PAM: variants seen among roughly 807,000 people sequenced by gnomAD.
The protein encoded by PAM is peptidyl-glycine alpha-amidating monooxygenase.
PAM carries 72 observed loss-of-function variants against 122.1 expected under a neutral mutation model. The ratio of observed to expected loss-of-function variants is 0.59; its 90% CI spans 0.49 to 0.72. The LOEUF (loss-of-function observed/expected upper bound fraction) is 0.72, where lower values mean the gene tolerates loss of function less well. Among genes scored for constraint, PAM ranks in the 30% least tolerant of loss-of-function variants. PAM has a pLI of 0.00. For synonymous variants in PAM, 389 were observed against 404.4 expected (o/e 0.96, Z 0.46); for missense variants, 1,106 against 1,183.7 (o/e 0.93, Z 0.96).
chr5:102,894,833 A>C (rs958907466), intron 3 of PAM, among the ~76,000 whole-genome samples: 1 of 150,582 alleles, frequency 6.6e-6, no homozygotes, highest in African/African-American at 2.4e-5. Flanking sequence ...TTTCAAATCC[A>C]CTCCCCAGTC....
intron 5 of PAM, 45 bp downstream of exon 5, chr5:102,914,066 T>TGTAA (rs1470682623): frequency 9.7e-7 from 1 of 1,027,990 alleles, no homozygotes; most frequent in East Asian, 2.4e-5. Context: ...AGAAAATGTG[T>TGTAA]TTTACAAGTG....
rs771873156 is a variant in PAM, at chr5:103,028,202, G to A, written c.2707G>A (p.Glu903Lys). 4.3e-6 allele frequency: 7 copies of A among 1,612,704 alleles called. 1 individual carries two copies. In the South Asian group the frequency reaches 4.4e-5, roughly 10 times the overall value. Reference sequence around the variant, plus strand: ...TTTAGCAGATTCTGAACACAAACTCGAGACGAGTTCAGGAAGAGTACTGGG... The same window carrying A: ...TTTAGCAGATTCTGAACACAAACTCAAGACGAGTTCAGGAAGAGTACTGGG... ...RAFGDSEHKLETSSGRVLGRF... is the reference protein window; with the variant it reads ...RAFGDSEHKLKTSSGRVLGRF... Residue 903 changes from glutamate (E) to lysine (K), a missense_variant, in exon 25 of 26, where the codon GAG becomes AAG. By Grantham distance (56) the Glu-to-Lys change is moderately conservative. Coordinates refer to ENST00000438793, the MANE Select transcript of PAM (RefSeq NM_001177306.2).
At chr5:102,908,288 T>C (rs971043223) in intron 4 of PAM, among the ~76,000 whole-genome samples, 2 of 151,924 alleles carry the variant, frequency 1.3e-5, no homozygotes, top group Non-Finnish European at 2.9e-5. Context: ...GTTGTAGATA[T>C]GCGGCGTTAT....
At chr5:102,781,870 A>G (rs933209707) in intron 1 of PAM, among the ~76,000 whole-genome samples, 2 of 152,218 alleles carry the variant, frequency 1.3e-5, no homozygotes, top group Non-Finnish European at 2.9e-5. Context: ...TTTAATGCTT[A>G]TAACAACCCT....
intron 1 of PAM, among the ~76,000 whole-genome samples, chr5:102,801,864 C>A (rs1192177389): frequency 6.7e-6 from 1 of 148,394 alleles, no homozygotes; most frequent in Non-Finnish European, 1.5e-5. Flanking sequence ...CTGCAAGCTC[C>A]GCCTCCTGGG....
intron 14 of PAM, among the ~76,000 whole-genome samples, chr5:102,966,923 T>C (rs1764246386): frequency 1.3e-5 from 2 of 152,092 alleles, no homozygotes; most frequent in African/African-American, 4.8e-5. Context: ...TTCTGAGAGG[T>C]ATTTGATCAT....
At chr5:102,916,166 T>C (rs181488523) in intron 5 of PAM, among the ~76,000 whole-genome samples, 9 of 152,256 alleles carry the variant, frequency 5.9e-5, no homozygotes, top group Middle Eastern at 3.4e-3. Flanking sequence ...AAAAGACTTA[T>C]ACTAGGCCAT....
chr5:102,942,709 A>G (rs1755683945), intron 7 of PAM, among the ~76,000 whole-genome samples: 1 of 151,068 alleles, frequency 6.6e-6, no homozygotes, highest in South Asian at 2.1e-4. Flanking sequence ...AGCTGGGGCT[A>G]CAGTCACACG....
intron 15 of PAM, among the ~76,000 whole-genome samples, chr5:102,975,523 A>G (rs1483697197): frequency 6.6e-6 from 1 of 152,162 alleles, no homozygotes; most frequent in Non-Finnish European, 1.5e-5. Flanking sequence ...GGATTTGACA[A>G]ATAAAACTAT....
intron 3 of PAM, among the ~76,000 whole-genome samples, chr5:102,889,590 A>G (rs983151996): frequency 1.3e-4 from 19 of 151,860 alleles, no homozygotes; most frequent in African/African-American, 4.6e-4. Context: ...TGGAACATTG[A>G]TATCATTTAA....
chr5:102,954,058 A>G (rs1185116553), intron 12 of PAM, among the ~76,000 whole-genome samples: 3 of 152,134 alleles, frequency 2.0e-5, no homozygotes, highest in Admixed American at 6.6e-5. Flanking sequence ...ATTAAAAAAA[A>G]GATAGGTAAG....
At chr5:102,889,438 T>C (rs1217278669) in intron 3 of PAM, among the ~76,000 whole-genome samples, 1 of 151,894 alleles carries the variant, frequency 6.6e-6, no homozygotes, top group East Asian at 1.9e-4. Context: ...GGTTTTTGGG[T>C]GGTACAGTTT....
At chr5:102,886,397 C>T (rs115231474) in intron 3 of PAM, among the ~76,000 whole-genome samples, 2,289 of 151,934 alleles carry the variant, frequency 0.015, 44 homozygotes, top group African/African-American at 0.051. Flanking sequence ...AGTAATTTTG[C>T]GGAGTATTGA....
chr5:102,971,282 A>G (rs1765751448), intron 14 of PAM, among the ~76,000 whole-genome samples: 1 of 152,218 alleles, frequency 6.6e-6, no homozygotes, highest in Non-Finnish European at 1.5e-5. Context: ...TATGATATGT[A>G]CTGGACTGGG....
In PAM at chr5:103,028,201, C is replaced by T. The variant is rs114988246; in HGVS notation, c.2706C>T (p.Leu902=). 683 of 1,612,456 alleles carry T rather than the reference C, an allele frequency of 4.2e-4. 5 individuals are homozygous for T. The African/African-American group carries it at 8.2e-3, about 19-fold the overall frequency. ...SRAFGDSEHK[L]ETSSGRVLGR... ...TTTTAGCAGATTCTGAACACAAACT[C>T]GAGACGAGTTCAGGAAGAGTACTGG... The change falls in exon 25 of 26, where the codon CTC becomes CTT. Residue 902 remains leucine, a synonymous_variant. Transcript: ENST00000438793.
At chr5:103,005,530 C>T (rs942717114) in intron 18 of PAM, among the ~76,000 whole-genome samples, 1 of 152,126 alleles carries the variant, frequency 6.6e-6, no homozygotes, top group African/African-American at 2.4e-5. Context: ...GCTAATTTCT[C>T]ATAGTATCCT....
chr5:102,891,095 T>C (rs1232962733), intron 3 of PAM, among the ~76,000 whole-genome samples: 2 of 151,924 alleles, frequency 1.3e-5, no homozygotes, highest in Admixed American at 6.6e-5. Flanking sequence ...TAGAGCTGTT[T>C]TTATAGGATC....
intron 14 of PAM, among the ~76,000 whole-genome samples, chr5:102,970,853 C>G (rs920656018): frequency 1.3e-5 from 2 of 151,958 alleles, no homozygotes; most frequent in African/African-American, 4.8e-5. Context: ...GTCTCCCGGG[C>G]TGGAGTGCAG....
chr5:102,792,188 A>G (rs1443995350), intron 1 of PAM, among the ~76,000 whole-genome samples: 2 of 152,224 alleles, frequency 1.3e-5, no homozygotes, highest in Non-Finnish European at 2.9e-5. Flanking sequence ...CCTTAGACAT[A>G]TGAAGCTTAA....
Sources: gnomAD v4.1 joint callset for allele counts (sites outside exome capture counted in the v4.1 genomes callset) on GRCh38, gnomAD v4.1.1 for gene constraint, MANE v1.5 for transcripts, NCBI Gene and HGNC (gene_info 2026-07-23, HGNC 2026-07-21) for gene names.